AK9: variants seen among roughly 807,000 people sequenced by gnomAD.
AK9 encodes adenylate kinase domain containing 1.
A neutral mutation model predicts 239.6 loss-of-function variants in AK9; 191 were observed. The observed-to-expected ratio is 0.80, with a 90% CI of 0.71 to 0.90. AK9 has a LOEUF of 0.90. Among genes scored for constraint, AK9 ranks in the 40% least tolerant of loss-of-function variants. AK9 has a pLI of 0.00. For missense variants in AK9, 1,995 were observed against 2,214.7 expected (o/e 0.90, Z 1.99); for synonymous variants, 689 against 721.0 (o/e 0.96, Z 0.71).
chr6:109,661,901 G>A (rs1004092289), intron 6 of AK9, among the ~76,000 whole-genome samples: 6 of 152,168 alleles, frequency 3.9e-5, no homozygotes, highest in African/African-American at 1.2e-4. Flanking sequence ...AAGACTTCTA[G>A]ATGTGATTTA....
At chr6:109,663,785 A>G (rs753532623) in intron 5 of AK9, among the ~76,000 whole-genome samples, 4 of 152,214 alleles carry the variant, frequency 2.6e-5, no homozygotes, top group African/African-American at 7.2e-5. Context: ...TGAAAAGTTC[A>G]CTGATACAGT....
At chr6:109,664,955 G>A (rs1004789291) in intron 5 of AK9, among the ~76,000 whole-genome samples, 12 of 151,870 alleles carry the variant, frequency 7.9e-5, no homozygotes, top group African/African-American at 2.4e-4. Context: ...CAGGAGAATC[G>A]CTTGAACCCT....
intron 30 of AK9, 30 bp from the exon 31 acceptor site, chr6:109,516,105 A>G: frequency 1.3e-6 from 2 of 1,506,002 alleles, no homozygotes; most frequent in Non-Finnish European, 1.8e-6. Flanking sequence ...AAACAAATAT[A>G]TTTAGTGAGA....
At chr6:109,597,796 A>G (rs1791259857) in intron 17 of AK9, among the ~76,000 whole-genome samples, 1 of 152,186 alleles carries the variant, frequency 6.6e-6, no homozygotes, top group South Asian at 2.1e-4. Flanking sequence ...AAGTTTATTA[A>G]AAAGCTTTAG....
chr6:109,530,936 G>A (rs748533207), intron 28 of AK9, among the ~76,000 whole-genome samples: 53 of 152,092 alleles, frequency 3.5e-4, no homozygotes, highest in Admixed American at 6.6e-5. Context: ...CCAGCTACTT[G>A]GGAGGCTGAG....
chr6:109,516,039 T>G lies in AK9; in HGVS notation c.3883A>C (p.Ile1295Leu). 3.9e-6 allele frequency: 6 copies of G among 1,550,916 alleles called. No individual in the cohort carries two copies. The highest frequency in any genetic ancestry group is 2.6e-6 in the Non-Finnish European group (3 of 1,146,326). The change falls in exon 31 of 41, where the codon ATT becomes CTT. Residue 1295 changes from isoleucine to leucine, a missense_variant. This residue lies in a region of AK9 where 1,290 missense variants were observed against 1,392.7 expected (regional missense o/e 0.93). Coordinates refer to ENST00000424296, the MANE Select transcript of AK9 (RefSeq NM_001145128.3). ...LERYLIPIIS[I>L]NGARRNHIVQ... ...ATGTGATTTCTCCGAGCTCCATTAA[T>G]GGAAATTATTGGTATCAAATACCTC...
intron 10 of AK9, among the ~76,000 whole-genome samples, chr6:109,640,465 T>C (rs927778410): frequency 6.6e-6 from 1 of 152,176 alleles, no homozygotes; most frequent in African/African-American, 2.4e-5. Context: ...CCCAATGAGA[T>C]GAACCAGGTA....
intron 15 of AK9, among the ~76,000 whole-genome samples, 152 bp downstream of exon 15, chr6:109,614,031 T>C (rs1479107482): frequency 1.3e-5 from 2 of 152,328 alleles, no homozygotes; most frequent in East Asian, 1.9e-4. Flanking sequence ...TCTACAGTTG[T>C]TCAGGTTAAA....
chr6:109,597,401 G>A (rs1332417024), intron 17 of AK9, among the ~76,000 whole-genome samples: 2 of 152,074 alleles, frequency 1.3e-5, no homozygotes, highest in South Asian at 2.1e-4. Flanking sequence ...TGCCGGGCGC[G>A]GTGGCTCATG....
At chr6:109,569,131 C>G (rs866079213) in intron 21 of AK9, among the ~76,000 whole-genome samples, 60 of 152,272 alleles carry the variant, frequency 3.9e-4, no homozygotes, top group African/African-American at 1.4e-3. Context: ...TACCACACAT[C>G]TACAACCATC....
In AK9 at chr6:109,671,848, A is replaced by G. The variant is rs190701189; in HGVS notation, c.331+71T>C. 719 of 1,396,526 alleles carry G rather than the reference A, an allele frequency of 5.1e-4. 1 individual carries two copies. The African/African-American group carries it at 9.4e-3, about 18-fold the overall frequency. 86.5% of individuals were successfully genotyped at this position (1,396,526 alleles called of 1,614,324 possible). On this transcript the variant is annotated intron_variant, in intron 5 of 40. Transcript: ENST00000424296. ...AAAAGAAAGGGCAACTCCAGAAACT[A>G]TTTTTGCCTCAGATAAAGCATGAGT... is the stretch of plus-strand genomic sequence containing the variant.
chr6:109,671,535 C>T (rs1373687909), intron 5 of AK9, among the ~76,000 whole-genome samples: 1 of 152,170 alleles, frequency 6.6e-6, no homozygotes, highest in Non-Finnish European at 1.5e-5. Flanking sequence ...CATTCCACTT[C>T]CCACTCCCGC....
At chr6:109,662,250 T>C (rs9374113) in intron 6 of AK9, among the ~76,000 whole-genome samples, 1 of 151,738 alleles carries the variant, frequency 6.6e-6, no homozygotes, top group Non-Finnish European at 1.5e-5. Flanking sequence ...TGGAAGGGAG[T>C]GACAGAAAGA....
chr6:109,536,213 A>G (rs1781970270), intron 27 of AK9, among the ~76,000 whole-genome samples: 1 of 152,122 alleles, frequency 6.6e-6, no homozygotes, highest in Non-Finnish European at 1.5e-5. Flanking sequence ...GGCCATTTTC[A>G]TGATATTGAT....
At chr6:109,533,608 C>A in intron 27 of AK9, 138 bp from the exon 28 acceptor site, 4 of 565,082 alleles carry the variant, frequency 7.1e-6, no homozygotes, top group Non-Finnish European at 1.1e-5. Context: ...CTTTACTTGT[C>A]AATGACATAT....
At chr6:109,550,788 T>C (rs1784265736) in intron 24 of AK9, among the ~76,000 whole-genome samples, 1 of 152,200 alleles carries the variant, frequency 6.6e-6, no homozygotes, top group Admixed American at 6.5e-5. Flanking sequence ...AAGTGTAAAA[T>C]GTATTTTCAT....
intron 19 of AK9, 126 bp from the exon 20 acceptor site, chr6:109,579,752 AT>A: frequency 1.2e-6 from 1 of 811,570 alleles, no homozygotes; most frequent in Non-Finnish European, 1.8e-6. Context: ...TACAATGTAT[AT>A]TTTTAAATTA....
intron 17 of AK9, among the ~76,000 whole-genome samples, chr6:109,586,901 A>G (rs984657522): frequency 2.6e-5 from 4 of 152,188 alleles, no homozygotes; most frequent in Non-Finnish European, 4.4e-5. Context: ...AAATATTACA[A>G]GTCAAAGGGG....
intron 27 of AK9, among the ~76,000 whole-genome samples, chr6:109,541,134 A>G (rs1279567856): frequency 6.6e-6 from 1 of 152,260 alleles, no homozygotes; most frequent in African/African-American, 2.4e-5. Context: ...GCCCCTTAGT[A>G]TATCTCTCTG....
Sources: allele counts gnomAD v4.1 joint callset (sites outside exome capture counted in the v4.1 genomes callset), GRCh38; gene constraint gnomAD v4.1.1; regional missense constraint gnomAD v4.1.1; transcripts MANE v1.5; gene names NCBI Gene and HGNC (gene_info 2026-07-23, HGNC 2026-07-21).